The following TMEM273 variants were observed in gnomAD, a reference collection of about 807,000 sequenced individuals.
TMEM273 encodes the protein chromosome 10 open reading frame 128.
TMEM273 carries 19 observed loss-of-function variants against 17.9 expected under a neutral mutation model. That is an observed-to-expected ratio of 1.06 (90% CI 0.74 to 1.55). The LOEUF is 1.55. TMEM273 is among the 40% of genes most tolerant of loss of function. The probability of loss-of-function intolerance (pLI) is 0.00; values close to 1 mark genes in which losing one functional copy is unlikely to be tolerated. For synonymous variants in TMEM273, 66 were observed against 62.0 expected (o/e 1.07, Z -0.31); for missense variants, 194 against 155.6 (o/e 1.25, Z -1.31).
At chr10:49,169,689 T>A (rs916869579) in intron 1 of TMEM273, among the ~76,000 whole-genome samples, 1 of 152,232 alleles carries the variant, frequency 6.6e-6, no homozygotes, top group Non-Finnish European at 1.5e-5. Context: ...GAAGCCCCAA[T>A]CAGCTTCATT....
intron 5 of TMEM273, 69 bp from the exon 6 acceptor site, chr10:49,161,691 C>T (rs936260129): frequency 3.1e-6 from 5 of 1,599,838 alleles, no homozygotes; most frequent in Middle Eastern, 1.6e-4. Flanking sequence ...GCAAAACTTG[C>T]TGCAAGAGAG....
chr10:49,170,500 G>T (rs1846492508), intron 1 of TMEM273, among the ~76,000 whole-genome samples: 1 of 152,168 alleles, frequency 6.6e-6, no homozygotes, highest in Non-Finnish European at 1.5e-5. Context: ...CCTCCAAGCT[G>T]TGAGGCTTCC....
Position 49,173,702 on chromosome 10 carries a change from C to T in TMEM273, c.44-5740G>A, listed in dbSNP as rs530620404. The stretch of plus-strand genomic sequence containing the variant: ...GAGCGAGATGATGCATGAGAGCCCT[C>T]GGAAGCTGGACTCTTCTCCTGGGGG... On this transcript the variant is annotated intron_variant, in intron 1 of 6. Transcript: ENST00000374153. Among the ~76,000 whole-genome samples, 12 of 152,304 alleles carry T rather than the reference C, an allele frequency of 7.9e-5. No individual in the cohort carries two copies. In the South Asian group the frequency reaches 8.3e-4, roughly 11 times the overall value.
chr10:49,171,879 G>C (rs114556439), intron 1 of TMEM273, among the ~76,000 whole-genome samples: 43,535 of 151,966 alleles, frequency 0.29, 7,322 homozygotes, highest in African/African-American at 0.47. Flanking sequence ...AGGCCTCTTT[G>C]AGCTGTCCAC....
At chr10:49,165,384 T>C (rs1306095109) in intron 4 of TMEM273, 101 bp from the exon 5 acceptor site, 6 of 1,535,686 alleles carry the variant, frequency 3.9e-6, no homozygotes, top group Non-Finnish European at 5.3e-6. Context: ...GCAGGGTACC[T>C]TGATGCCAGC....
Position 49,155,922 on chromosome 10 carries a change from A to C in TMEM273, c.373-13T>G, listed in dbSNP as rs761956901. On this transcript the variant is annotated splice_polypyrimidine_tract_variant and intron_variant, in intron 6 of 6. Transcript: ENST00000374153. Reference sequence around the variant, plus strand: ...CACCTGTGCATCTCTGGAAAGGAAGAGAACCATCTGGAAGACTTATTGAGA... The same window carrying C: ...CACCTGTGCATCTCTGGAAAGGAAGCGAACCATCTGGAAGACTTATTGAGA... 2.5e-6 allele frequency: 4 copies of C among 1,614,196 alleles called. No homozygotes were observed. The highest frequency in any genetic ancestry group is 3.4e-6 in the Non-Finnish European group (4 of 1,180,032).
At chr10:49,184,511 G>T (rs1847544659) in intron 1 of TMEM273, among the ~76,000 whole-genome samples, 1 of 152,212 alleles carries the variant, frequency 6.6e-6, no homozygotes, top group African/African-American at 2.4e-5. Flanking sequence ...AAGGAGAATG[G>T]GCTGTCTGAT....
intron 1 of TMEM273, among the ~76,000 whole-genome samples, chr10:49,181,047 T>C (rs1056990444): frequency 1.3e-5 from 2 of 152,110 alleles, no homozygotes; most frequent in East Asian, 1.9e-4. Context: ...CTCTTTAGAG[T>C]ATGTGGTGGT....
In TMEM273 at chr10:49,182,354, C is replaced by T. The variant is rs77501259; in HGVS notation, c.43+5940G>A. On this transcript the variant is annotated intron_variant, in intron 1 of 6. Transcript: ENST00000374153. The stretch of plus-strand genomic sequence containing the variant: ...ATGACTTTGACTTGTAAGATAAAAA[C>T]GAATTTAATTCTCTTTACCCGGGCC... Among the ~76,000 whole-genome samples, 690 of 152,140 alleles carry T rather than the reference C, an allele frequency of 4.5e-3. 4 individuals are homozygous for T. Among genetic ancestry groups the T allele is most frequent in the African/African-American group, 0.016 (658 of 41,492 alleles).
chr10:49,175,200 G>A (rs1045339988), intron 1 of TMEM273, among the ~76,000 whole-genome samples: 17 of 152,140 alleles, frequency 1.1e-4, no homozygotes, highest in African/African-American at 4.1e-4. Context: ...AGCAGGGTCA[G>A]AGCAGCTGGG....
At chr10:49,183,453 G>A (rs1184979433) in intron 1 of TMEM273, among the ~76,000 whole-genome samples, 2 of 152,118 alleles carry the variant, frequency 1.3e-5, no homozygotes, top group African/African-American at 2.4e-5. Context: ...GCAGTCATAT[G>A]AGTGTTCTTT....
At position 49,185,398 on chromosome 10, in the gene TMEM273, G is replaced by A. The variant is rs1847601334; in HGVS notation, c.43+2896C>T. Among the ~76,000 whole-genome samples, 3 of 151,952 alleles carry A rather than the reference G, an allele frequency of 2.0e-5. No individual in the cohort carries two copies. The South Asian group carries it at 6.2e-4, about 32-fold the overall frequency. ...GGACTGGACAGAGAGTGCCCCCATAGCCCCCAAGTCCCCTGAGGTACAGTT... is the reference window on the plus strand; with the variant it reads ...GGACTGGACAGAGAGTGCCCCCATAACCCCCAAGTCCCCTGAGGTACAGTT... On this transcript the variant is annotated intron_variant, in intron 1 of 6. Transcript: ENST00000374153.
chr10:49,156,033 G>T (rs958897483), intron 6 of TMEM273, 124 bp from the exon 7 acceptor site: 16 of 1,579,968 alleles, frequency 1.0e-5, no homozygotes, highest in Middle Eastern at 1.7e-4. Flanking sequence ...AGCCTGCAAG[G>T]TGGGCCACTT....
rs1442938191 is a variant in TMEM273, at chr10:49,155,677, G to C, written c.*215C>G. ...GGCTAAATTGCTCAATCCTTCCTCTGTGCAGTCCGTTTCTTCCAGAAGAGG... is the reference window on the plus strand; with the variant it reads ...GGCTAAATTGCTCAATCCTTCCTCTCTGCAGTCCGTTTCTTCCAGAAGAGG... On this transcript the variant is annotated 3_prime_UTR_variant, in exon 7 of 7. Transcript: ENST00000374153. 1 of 654,434 alleles carries C rather than the reference G, an allele frequency of 1.5e-6. No homozygotes were observed. Among genetic ancestry groups the C allele is most frequent in the Non-Finnish European group, 2.6e-6 (1 of 383,884 alleles). The allele number at this position is 654,434 out of a possible 1,614,324, so 40.5% of individuals were successfully genotyped here.
At chr10:49,168,941 C>A (rs1025405029) in intron 1 of TMEM273, among the ~76,000 whole-genome samples, 2 of 152,182 alleles carry the variant, frequency 1.3e-5, no homozygotes, top group African/African-American at 2.4e-5. Flanking sequence ...ATATGTAATA[C>A]TCACAGCAAC....
At chr10:49,171,415 C>T (rs574480435) in intron 1 of TMEM273, among the ~76,000 whole-genome samples, 1 of 152,368 alleles carries the variant, frequency 6.6e-6, no homozygotes, top group Admixed American at 6.5e-5. Context: ...CTTTCCACAG[C>T]CTCCACCTGT....
intron 1 of TMEM273, among the ~76,000 whole-genome samples, chr10:49,173,615 G>C (rs1353141962): frequency 1.3e-5 from 2 of 152,200 alleles, no homozygotes; most frequent in African/African-American, 4.8e-5. Context: ...GTTGGCCCCA[G>C]TCTGCAGCTT....
chr10:49,171,399 C>T (rs117824293), intron 1 of TMEM273, among the ~76,000 whole-genome samples: 11 of 152,308 alleles, frequency 7.2e-5, no homozygotes, highest in East Asian at 1.9e-4. Context: ...TGCTGAGATG[C>T]GGGGGCTTTC....
intron 1 of TMEM273, among the ~76,000 whole-genome samples, chr10:49,184,974 C>A (rs1847576220): frequency 2.0e-5 from 3 of 152,118 alleles, no homozygotes; most frequent in Admixed American, 2.0e-4. Flanking sequence ...GCAACGTGTT[C>A]AGTATGCTAT....
Sources: allele counts gnomAD v4.1 joint callset (sites outside exome capture counted in the v4.1 genomes callset), GRCh38; gene constraint gnomAD v4.1.1; transcripts MANE v1.5; gene names NCBI Gene and HGNC (gene_info 2026-07-23, HGNC 2026-07-21).